Variants in FRMD4A observed in about 807,000 individuals in gnomAD.
FRMD4A encodes FERM domain containing 4A.
FRMD4A carries 29 observed loss-of-function variants against 129.1 expected under a neutral mutation model. The ratio of observed to expected loss-of-function variants is 0.22; its 90% CI spans 0.17 to 0.31. FRMD4A has a LOEUF of 0.31. Among genes scored for constraint, FRMD4A ranks in the 10% least tolerant of loss-of-function variants. The probability of loss-of-function intolerance (pLI) is 1.00; values close to 1 mark genes in which losing one functional copy is unlikely to be tolerated. For synonymous variants in FRMD4A, 634 were observed against 571.6 expected, an observed-to-expected ratio of 1.11 and a Z score of -1.56; for missense variants, 1,272 against 1,375.8, an observed-to-expected ratio of 0.92 and a Z score of 1.19.
intron 5 of FRMD4A, among the ~76,000 whole-genome samples, chr10:13,786,576 A>G (rs2092870352): frequency 6.6e-6 from 1 of 152,208 alleles, no homozygotes; most frequent in Admixed American, 6.5e-5. Flanking sequence ...ATTGCACTCC[A>G]GCCTGGGCAA....
At chr10:13,652,706 T>C (rs1281784006) in intron 23 of FRMD4A, 2 of 152,344 alleles carry the variant, frequency 1.3e-5, no homozygotes, top group Admixed American at 1.3e-4. Context: ...GTTTCTCTTA[T>C]TTTAAAAGGA....
rs71388152 is a variant in FRMD4A at position 14,039,455 on chromosome 10, AATCTATCTATCTATCTATCT to A, written c.46-180563_46-180544del. Reference sequence around the variant, plus strand: ...CTATATTGGAACCCCAAAATCAATCAATCTATCTATCTATCTATCTATCTATCTATCTATCTATCTATCTA... The same window carrying A: ...CTATATTGGAACCCCAAAATCAATCAATCTATCTATCTATCTATCTATCTA... On this transcript the variant is annotated intron_variant, in intron 2 of 24. Coordinates refer to ENST00000357447, the MANE Select transcript of FRMD4A (RefSeq NM_018027.5). 5.1e-3 allele frequency among the ~76,000 whole-genome samples: 329 copies of A among 64,626 alleles called. 1 individual carries two copies. Among genetic ancestry groups the A allele is most frequent in the Admixed American group, 0.018 (128 of 6,978 alleles). The allele number at this position is 64,626 out of a possible 152,430, so 42.4% of individuals were successfully genotyped here.
intron 4 of FRMD4A, among the ~76,000 whole-genome samples, chr10:13,797,806 C>T (rs562706146): frequency 3.9e-5 from 6 of 152,210 alleles, no homozygotes; most frequent in African/African-American, 9.6e-5. Flanking sequence ...TGTCTAAAAA[C>T]GCTTGTTCCT....
At chr10:14,231,899 T>C (rs796100887) in intron 2 of FRMD4A, among the ~76,000 whole-genome samples, 6 of 152,332 alleles carry the variant, frequency 3.9e-5, no homozygotes, top group African/African-American at 1.4e-4. Flanking sequence ...ACTCTGTTGA[T>C]AGTTTCTTTT....
intron 2 of FRMD4A, among the ~76,000 whole-genome samples, chr10:14,096,038 A>G (rs1368510695): frequency 1.3e-5 from 2 of 152,216 alleles, no homozygotes; most frequent in Non-Finnish European, 2.9e-5. Flanking sequence ...CTTGGGGAAA[A>G]AAAGGCACCA....
chr10:14,139,082 T>C (rs1230544407), intron 2 of FRMD4A, among the ~76,000 whole-genome samples: 1 of 152,234 alleles, frequency 6.6e-6, no homozygotes, highest in Non-Finnish European at 1.5e-5. Flanking sequence ...CTGTGTCCTA[T>C]TGTTTGTTAA....
chr10:13,917,533 AC>A (rs2095023516), intron 2 of FRMD4A, among the ~76,000 whole-genome samples: 1 of 152,072 alleles, frequency 6.6e-6, no homozygotes, highest in African/African-American at 2.4e-5. Flanking sequence ...CAAGCAATCC[AC>A]CTGCCTTGGC....
At chr10:13,658,970 T>C (rs1541001) in intron 21 of FRMD4A, among the ~76,000 whole-genome samples, 11,384 of 152,058 alleles carry the variant, frequency 0.075, 1,255 homozygotes, top group African/African-American at 0.24. Flanking sequence ...AATTTACATT[T>C]TGAGGCACTA....
intron 12 of FRMD4A, among the ~76,000 whole-genome samples, chr10:13,723,924 G>A (rs1196145353): frequency 1.3e-5 from 2 of 152,174 alleles, no homozygotes; most frequent in Non-Finnish European, 2.9e-5. Flanking sequence ...TTGAAGCTTT[G>A]ATTGTCATAA....
intron 2 of FRMD4A, among the ~76,000 whole-genome samples, chr10:14,045,853 A>ATATAATTATATATCATATTATATATGG (rs1300810582): frequency 6.8e-6 from 1 of 146,548 alleles, no homozygotes; most frequent in African/African-American, 2.5e-5. Flanking sequence ...TATATATCAC[A>ATATAATTATATATCATATTATATATGG]TATAATTATA....
At chr10:13,909,927 G>A (rs914601386) in intron 2 of FRMD4A, among the ~76,000 whole-genome samples, 5 of 152,122 alleles carry the variant, frequency 3.3e-5, no homozygotes, top group African/African-American at 7.2e-5. Flanking sequence ...TCCAAAAGAC[G>A]AGTTTGAGGT....
intron 3 of FRMD4A, among the ~76,000 whole-genome samples, chr10:13,830,311 G>A (rs1239318179): frequency 1.3e-5 from 2 of 152,168 alleles, no homozygotes; most frequent in African/African-American, 4.8e-5. Flanking sequence ...TTGTTGTCTG[G>A]GCTGCTGCTT....
At chr10:13,760,245 CA>C (rs1389029795) in intron 8 of FRMD4A, among the ~76,000 whole-genome samples, 1 of 151,950 alleles carries the variant, frequency 6.6e-6, no homozygotes, top group Non-Finnish European at 1.5e-5. Context: ...ATCTGGCCCT[CA>C]ACAAAAAAAG....
chr10:13,850,112 A>G (rs1432744363), intron 3 of FRMD4A, among the ~76,000 whole-genome samples: 1 of 151,890 alleles, frequency 6.6e-6, no homozygotes, highest in African/African-American at 2.4e-5. Context: ...GAGGCAGGAG[A>G]ATTGCTTGAA....
intron 2 of FRMD4A, among the ~76,000 whole-genome samples, chr10:14,031,058 G>T (rs1276395240): frequency 6.6e-6 from 1 of 152,146 alleles, no homozygotes; most frequent in African/African-American, 2.4e-5. Context: ...TCTTTTCTCA[G>T]TCTTGCCATC....
chr10:14,206,615 C>T (rs552365037), intron 2 of FRMD4A, among the ~76,000 whole-genome samples: 7 of 151,620 alleles, frequency 4.6e-5, no homozygotes, highest in Non-Finnish European at 8.8e-5. Context: ...CTGGGCAACA[C>T]GGCGAAACCC....
At chr10:13,813,413 C>G (rs1163643693) in intron 3 of FRMD4A, among the ~76,000 whole-genome samples, 3 of 152,192 alleles carry the variant, frequency 2.0e-5, no homozygotes, top group African/African-American at 7.2e-5. Context: ...TGCACTCCAG[C>G]CTTGGCAACA....
At chr10:13,724,256 C>T (rs1233199980) in intron 12 of FRMD4A, among the ~76,000 whole-genome samples, 1 of 152,038 alleles carries the variant, frequency 6.6e-6, no homozygotes, top group Non-Finnish European at 1.5e-5. Flanking sequence ...GGCGTGGTGG[C>T]GGGCGCCTGT....
intron 2 of FRMD4A, among the ~76,000 whole-genome samples, chr10:14,103,915 A>C (rs1209279386): frequency 8.5e-5 from 13 of 152,246 alleles, no homozygotes; most frequent in Non-Finnish European, 1.5e-4. Flanking sequence ...GGCTGAACCC[A>C]TCCTAAGCTA....
Sources: allele counts gnomAD v4.1 joint callset (sites outside exome capture counted in the v4.1 genomes callset), GRCh38; gene constraint gnomAD v4.1.1; transcripts MANE v1.5; gene names NCBI Gene and HGNC (gene_info 2026-07-23, HGNC 2026-07-21).